Variants in KIAA1217 observed in about 807,000 individuals in gnomAD.
KIAA1217 encodes sickle tail protein homolog.
In KIAA1217, 88 loss-of-function variants were observed where a neutral mutation model predicts 163.9. The observed-to-expected ratio is 0.54, with a 90% CI of 0.45 to 0.64. KIAA1217 has a LOEUF of 0.64. Ranked by LOEUF, KIAA1217 falls within the 30% of genes least tolerant of loss-of-function variation. The pLI is 0.00. For missense variants in KIAA1217, 2,372 were observed against 2,475.0 expected (o/e 0.96, Z 0.88); for synonymous variants, 903 against 923.1 (o/e 0.98, Z 0.39).
chr10:24,285,568 A>G (rs556868887), intron 2 of KIAA1217, among the ~76,000 whole-genome samples: 3 of 152,192 alleles, frequency 2.0e-5, no homozygotes, highest in Non-Finnish European at 2.9e-5. Context: ...CTGTTGGTCT[A>G]TGTGTCTATT....
At chr10:24,166,857 T>TATCAC (rs143865509) in intron 2 of KIAA1217, among the ~76,000 whole-genome samples, 3,203 of 152,302 alleles carry the variant, frequency 0.021, 36 homozygotes, top group Middle Eastern at 0.058. Flanking sequence ...TGTATCAGAT[T>TATCAC]ATGTGCTATA....
intron 2 of KIAA1217, among the ~76,000 whole-genome samples, chr10:24,358,601 A>G (rs2049445001): frequency 6.6e-6 from 1 of 152,226 alleles, no homozygotes; most frequent in African/African-American, 2.4e-5. Flanking sequence ...CAAAGTAGGA[A>G]GGGTGGATAT....
At chr10:24,000,919 G>T (rs1846712597) in intron 1 of KIAA1217, among the ~76,000 whole-genome samples, 1 of 152,354 alleles carries the variant, frequency 6.6e-6, no homozygotes, top group South Asian at 2.1e-4. Context: ...AATTGGTTAT[G>T]TGGGGGAAAA....
At chr10:24,136,356 AT>A (rs2063832250) in intron 2 of KIAA1217, among the ~76,000 whole-genome samples, 1 of 152,128 alleles carries the variant, frequency 6.6e-6, no homozygotes. Flanking sequence ...GGGGAGTGGA[AT>A]TTTTTAAATT....
chr10:24,505,976 T>C (rs1273970643), intron 9 of KIAA1217, among the ~76,000 whole-genome samples: 1 of 151,644 alleles, frequency 6.6e-6, no homozygotes, highest in East Asian at 1.9e-4. Context: ...CATATTGGAG[T>C]TTCCCATGTG....
chr10:23,782,868 T>C (rs1052398105), intron 1 of KIAA1217, among the ~76,000 whole-genome samples: 3 of 152,230 alleles, frequency 2.0e-5, no homozygotes, highest in African/African-American at 7.2e-5. Context: ...ACTTCTACTA[T>C]TATGTTGAAT....
chr10:24,286,588 T>G (rs2078567487), intron 2 of KIAA1217, among the ~76,000 whole-genome samples: 1 of 152,156 alleles, frequency 6.6e-6, no homozygotes, highest in Non-Finnish European at 1.5e-5. Context: ...ATTATAGATT[T>G]AATTTGATGG....
chr10:23,811,225 A>G (rs919806306), intron 1 of KIAA1217, among the ~76,000 whole-genome samples: 3 of 143,408 alleles, frequency 2.1e-5, no homozygotes, highest in African/African-American at 7.7e-5. Context: ...TATATATAGT[A>G]TAGCGTGTAT....
intron 6 of KIAA1217, among the ~76,000 whole-genome samples, chr10:24,489,045 T>C (rs557169373): frequency 6.6e-6 from 1 of 151,918 alleles, no homozygotes; most frequent in Non-Finnish European, 1.5e-5. Context: ...GGGAGAGAGA[T>C]GACAGGGAAT....
intron 4 of KIAA1217, among the ~76,000 whole-genome samples, chr10:24,433,987 A>T (rs1196910371): frequency 6.8e-6 from 1 of 146,804 alleles, no homozygotes; most frequent in Admixed American, 6.7e-5. Flanking sequence ...AGTCAGTTAG[A>T]AACAAAAGCA....
At chr10:23,898,655 G>C (rs1841814434) in intron 1 of KIAA1217, among the ~76,000 whole-genome samples, 1 of 151,888 alleles carries the variant, frequency 6.6e-6, no homozygotes, top group Non-Finnish European at 1.5e-5. Flanking sequence ...GTTCCATATT[G>C]TTAAATATAT....
intron 2 of KIAA1217, among the ~76,000 whole-genome samples, chr10:24,170,649 A>G (rs962239676): frequency 2.0e-5 from 3 of 152,224 alleles, no homozygotes; most frequent in African/African-American, 7.2e-5. Context: ...TTCTGACGCT[A>G]TATAAATAAT....
chr10:23,951,741 T>G (rs1844346417), intron 1 of KIAA1217, among the ~76,000 whole-genome samples: 1 of 152,208 alleles, frequency 6.6e-6, no homozygotes, highest in Non-Finnish European at 1.5e-5. Context: ...TACCAGAGTT[T>G]CCTTGTGCTT....
intron 8 of KIAA1217, among the ~76,000 whole-genome samples, chr10:24,498,243 G>A (rs766557125): frequency 1.4e-4 from 21 of 152,132 alleles, no homozygotes; most frequent in Admixed American, 1.0e-3. Context: ...GATTTAAAAG[G>A]TTGGCAGAGG....
Position 23,877,220 on chromosome 10 carries a change from GGC to G in KIAA1217, c.-320-130004_-320-130003del, listed in dbSNP as rs553131702. ...GTTAATGAGATGTACTCACCTATCA[GGC>G]CAGAAGCCCATTGGCTGTCTTCTCA... On this transcript the variant is annotated intron_variant, in intron 1 of 18. Transcript: ENST00000376462. Among the ~76,000 whole-genome samples the G allele has an allele frequency of 1.4e-4, 22 of 152,044 alleles. No homozygotes were observed. The South Asian group carries it at 4.6e-3, about 31-fold the overall frequency.
intron 2 of KIAA1217, among the ~76,000 whole-genome samples, chr10:24,196,462 G>A (rs572905480): frequency 6.6e-6 from 1 of 152,314 alleles, no homozygotes; most frequent in African/African-American, 2.4e-5. Context: ...TTGCTTGGGG[G>A]TAAAATATTA....
At chr10:24,073,854 T>A (rs554079117) in intron 2 of KIAA1217, among the ~76,000 whole-genome samples, 4 of 152,212 alleles carry the variant, frequency 2.6e-5, no homozygotes, top group Non-Finnish European at 5.9e-5. Flanking sequence ...GTAGGTAGGT[T>A]CCCAGTGGGA....
intron 1 of KIAA1217, among the ~76,000 whole-genome samples, chr10:23,985,497 C>T (rs953339311): frequency 4.6e-5 from 7 of 152,190 alleles, no homozygotes; most frequent in African/African-American, 1.7e-4. Flanking sequence ...TACCAAATGG[C>T]TTGACAATTA....
chr10:24,165,227 G>T (rs2065290382), intron 2 of KIAA1217, among the ~76,000 whole-genome samples: 1 of 152,124 alleles, frequency 6.6e-6, no homozygotes, highest in African/African-American at 2.4e-5. Context: ...CAGCCCACAA[G>T]GCTCCCAAGT....
Sources: allele counts gnomAD v4.1 joint callset (sites outside exome capture counted in the v4.1 genomes callset), GRCh38; gene constraint gnomAD v4.1.1; transcripts MANE v1.5; gene names NCBI Gene and HGNC (gene_info 2026-07-23, HGNC 2026-07-21).